GALNTL6: variants seen among roughly 807,000 people sequenced by gnomAD.
GALNTL6 encodes the protein polypeptide N-acetylgalactosaminyltransferase-like 6.
Under a neutral mutation model 73.7 loss-of-function variants are expected in GALNTL6, and 46 were observed. That is an observed-to-expected ratio of 0.62 (90% CI 0.49 to 0.80). GALNTL6 has a LOEUF of 0.80. GALNTL6 is among the 30% of genes least tolerant of loss of function. GALNTL6 has a pLI of 0.00. For missense variants in GALNTL6, 604 were observed against 755.0 expected (o/e 0.80, Z 2.34); for synonymous variants, 259 against 263.7 (o/e 0.98, Z 0.17).
Position 172,102,389 on chromosome 4 carries a change from G to A in GALNTL6, c.139-127267G>A, listed in dbSNP as rs113748050. ...CATGAGAGCCATTCAAATGAAAAGA[G>A]GACTGTCTAGCTGGTCTTTTAGGCC... On this transcript the variant is annotated intron_variant, in intron 2 of 12. Coordinates refer to ENST00000506823, the MANE Select transcript of GALNTL6 (RefSeq NM_001034845.3). 4.7e-3 allele frequency among the ~76,000 whole-genome samples: 715 copies of A among 152,230 alleles called. 4 individuals carry two copies. Among genetic ancestry groups the A allele is most frequent in the African/African-American group, 0.014 (569 of 41,540 alleles).
At chr4:172,458,146 G>A (rs1490634566) in intron 5 of GALNTL6, among the ~76,000 whole-genome samples, 2 of 151,940 alleles carry the variant, frequency 1.3e-5, no homozygotes, top group Non-Finnish European at 2.9e-5. Context: ...AATTAAGGCA[G>A]AAATAAAGGT....
intron 2 of GALNTL6, among the ~76,000 whole-genome samples, chr4:171,994,752 A>G (rs928382020): frequency 2.0e-5 from 3 of 152,056 alleles, no homozygotes; most frequent in Admixed American, 1.3e-4. Context: ...AGGAATATCT[A>G]AGTCAGTTAA....
At chr4:172,722,268 T>G (rs559114395) in intron 5 of GALNTL6, among the ~76,000 whole-genome samples, 1 of 152,194 alleles carries the variant, frequency 6.6e-6, no homozygotes, top group Non-Finnish European at 1.5e-5. Context: ...TAAATGGGGG[T>G]TCCATTTCTT....
intron 4 of GALNTL6, among the ~76,000 whole-genome samples, chr4:172,339,223 G>A (rs1741456701): frequency 6.7e-6 from 1 of 149,674 alleles, no homozygotes; most frequent in Non-Finnish European, 1.5e-5. Context: ...TCTCAGGGGA[G>A]CAGGCTGGGG....
chr4:172,854,857 A>G (rs1744041262), intron 7 of GALNTL6, among the ~76,000 whole-genome samples: 1 of 152,174 alleles, frequency 6.6e-6, no homozygotes, highest in African/African-American at 2.4e-5. Flanking sequence ...TACTTCTATC[A>G]TGTTTTTCTT....
intron 2 of GALNTL6, among the ~76,000 whole-genome samples, chr4:171,922,855 CATATT>C (rs1333230167): frequency 6.6e-6 from 1 of 152,016 alleles, no homozygotes; most frequent in African/African-American, 2.4e-5. Flanking sequence ...TAATAAATAA[CATATT>C]ATGCTTTGTT....
At chr4:172,611,983 C>A (rs751650062) in intron 5 of GALNTL6, among the ~76,000 whole-genome samples, 40 of 152,026 alleles carry the variant, frequency 2.6e-4, no homozygotes, top group Non-Finnish European at 5.9e-5. Context: ...ATCAACAGAG[C>A]TATTTTGGTA....
chr4:172,588,532 C>CA (rs1181803345), intron 5 of GALNTL6, among the ~76,000 whole-genome samples: 234 of 95,762 alleles, frequency 2.4e-3, no homozygotes, highest in East Asian at 7.1e-3. Context: ...GACCCTGTCT[C>CA]AAAAAAAAAA....
At chr4:172,167,033 T>C (rs1360048833) in intron 2 of GALNTL6, among the ~76,000 whole-genome samples, 1 of 152,164 alleles carries the variant, frequency 6.6e-6, no homozygotes, top group Non-Finnish European at 1.5e-5. Flanking sequence ...AAAGATATTC[T>C]ATCTCGTTGT....
chr4:172,023,275 A>G (rs1741457987), intron 2 of GALNTL6, among the ~76,000 whole-genome samples: 1 of 151,484 alleles, frequency 6.6e-6, no homozygotes, highest in Non-Finnish European at 1.5e-5. Flanking sequence ...ATATATATAT[A>G]TTTGTCAAAT....
At chr4:171,827,326 A>T (rs951937667) in intron 2 of GALNTL6, among the ~76,000 whole-genome samples, 3 of 152,194 alleles carry the variant, frequency 2.0e-5, no homozygotes, top group Non-Finnish European at 4.4e-5. Flanking sequence ...TTAATTATTT[A>T]CAGGAAAAAG....
intron 10 of GALNTL6, among the ~76,000 whole-genome samples, chr4:172,964,847 G>A (rs1005332128): frequency 6.6e-6 from 1 of 152,210 alleles, no homozygotes; most frequent in African/African-American, 2.4e-5. Context: ...GTAAAAAGCA[G>A]GTGCTTTCTG....
chr4:172,172,346 C>T (rs578080732), intron 2 of GALNTL6, among the ~76,000 whole-genome samples: 55 of 152,110 alleles, frequency 3.6e-4, no homozygotes, highest in African/African-American at 1.2e-3. Flanking sequence ...TACAGGCACT[C>T]GCCACCATGC....
chr4:172,873,799 G>T (rs574462599), intron 7 of GALNTL6, among the ~76,000 whole-genome samples: 1 of 152,250 alleles, frequency 6.6e-6, no homozygotes, highest in East Asian at 1.9e-4. Context: ...ATTAAGCAGG[G>T]TGTAAACGTA....
chr4:172,368,662 G>T (rs1313228884), intron 5 of GALNTL6, among the ~76,000 whole-genome samples: 3 of 152,166 alleles, frequency 2.0e-5, no homozygotes, highest in Admixed American at 6.5e-5. Flanking sequence ...GACCCTTGCA[G>T]TGAGTGTTAC....
chr4:171,871,392 A>C (rs1040862093), intron 2 of GALNTL6, among the ~76,000 whole-genome samples: 1 of 152,198 alleles, frequency 6.6e-6, no homozygotes, highest in African/African-American at 2.4e-5. Flanking sequence ...ACTGTAGTCA[A>C]CTACAGGTCA....
intron 2 of GALNTL6, among the ~76,000 whole-genome samples, chr4:171,904,911 G>A (rs1737225489): frequency 1.3e-5 from 2 of 152,044 alleles, no homozygotes. Flanking sequence ...ATAAGTGAAG[G>A]AGAAATAAAA....
intron 5 of GALNTL6, among the ~76,000 whole-genome samples, chr4:172,681,267 T>A (rs1248388983): frequency 6.6e-6 from 1 of 152,206 alleles, no homozygotes; most frequent in Non-Finnish European, 1.5e-5. Context: ...GTAGTATTCT[T>A]ACTCTTATTC....
At chr4:172,987,997 G>A (rs888303797) in intron 10 of GALNTL6, among the ~76,000 whole-genome samples, 1 of 152,142 alleles carries the variant, frequency 6.6e-6, no homozygotes, top group Admixed American at 6.5e-5. Context: ...GACTAATACA[G>A]AAAATTAATA....
Sources: allele counts gnomAD v4.1 joint callset (sites outside exome capture counted in the v4.1 genomes callset), GRCh38; gene constraint gnomAD v4.1.1; transcripts MANE v1.5; gene names NCBI Gene and HGNC (gene_info 2026-07-23, HGNC 2026-07-21).